Variants in BCKDHB observed in about 807,000 individuals in gnomAD.
BCKDHB encodes the protein branched chain keto acid dehydrogenase E1 subunit beta, also known as 2-oxoisovalerate dehydrogenase subunit beta, mitochondrial.
BCKDHB carries 41 observed loss-of-function variants against 48.5 expected under a neutral mutation model. That is an observed-to-expected ratio of 0.85 (90% CI 0.66 to 1.10). The LOEUF is 1.10. Ranked by LOEUF, BCKDHB falls within the 50% of genes least tolerant of loss-of-function variation. The pLI is 0.00. For synonymous variants in BCKDHB, 201 were observed against 174.8 expected (o/e 1.15, Z -1.18); for missense variants, 496 against 494.2 (o/e 1.00, Z -0.03).
chr6:80,365,506 C>T, the BCKDHB span, among the ~76,000 whole-genome samples: 6 of 152,092 alleles, frequency 3.9e-5, no homozygotes, highest in African/African-American at 9.7e-5. Context: ...CTTGCGTGTC[C>T]GTTTATAGGC....
At chr6:80,213,474 A>G (rs1462099386) in intron 8 of BCKDHB, among the ~76,000 whole-genome samples, 3 of 152,094 alleles carry the variant, frequency 2.0e-5, no homozygotes, top group Non-Finnish European at 4.4e-5. Flanking sequence ...TACTATTTGT[A>G]TAGCAGCTTT....
At chr6:80,213,244 G>T (rs1393703502) in intron 8 of BCKDHB, among the ~76,000 whole-genome samples, 9 of 152,078 alleles carry the variant, frequency 5.9e-5, no homozygotes, top group Admixed American at 5.9e-4. Context: ...TTATTTAAAA[G>T]TTTTAAGTTT....
the BCKDHB span, among the ~76,000 whole-genome samples, chr6:80,425,123 A>G: frequency 6.6e-6 from 1 of 152,218 alleles, no homozygotes; most frequent in Non-Finnish European, 1.5e-5. Flanking sequence ...GGAAGAAACC[A>G]AACAAAGATG....
the BCKDHB span, among the ~76,000 whole-genome samples, chr6:80,420,055 A>T: frequency 6.6e-6 from 1 of 151,882 alleles, no homozygotes; most frequent in African/African-American, 2.4e-5. Flanking sequence ...TATTTTCCTG[A>T]TGTTGTTTAA....
intron 8 of BCKDHB, among the ~76,000 whole-genome samples, chr6:80,252,982 T>C (rs1316325719): frequency 6.6e-6 from 1 of 152,208 alleles, no homozygotes; most frequent in Admixed American, 6.5e-5. Context: ...GTTATCATAA[T>C]CATCATGGCT....
the BCKDHB span, among the ~76,000 whole-genome samples, chr6:80,423,184 T>A: frequency 1.3e-5 from 2 of 150,830 alleles, no homozygotes; most frequent in African/African-American, 5.0e-5. Context: ...GTGTTCCCTA[T>A]GCTCTCTCTC....
intron 1 of BCKDHB, among the ~76,000 whole-genome samples, chr6:80,110,053 G>C (rs1006775419): frequency 6.6e-6 from 1 of 152,140 alleles, no homozygotes; most frequent in East Asian, 1.9e-4. Context: ...CTTTTATTTT[G>C]GTTGTTTTGA....
chr6:80,410,257 G>A, the BCKDHB span, among the ~76,000 whole-genome samples: 1 of 152,152 alleles, frequency 6.6e-6, no homozygotes, highest in African/African-American at 2.4e-5. Flanking sequence ...TTTTCTTTAA[G>A]AATCTTGAAT....
chr6:80,360,052 A>G, the BCKDHB span, among the ~76,000 whole-genome samples: 1 of 152,158 alleles, frequency 6.6e-6, no homozygotes, highest in Non-Finnish European at 1.5e-5. Flanking sequence ...CTGATTTTTA[A>G]CTGTTAAAAT....
chr6:80,244,575 C>T (rs542769696), intron 8 of BCKDHB, among the ~76,000 whole-genome samples: 1 of 152,292 alleles, frequency 6.6e-6, no homozygotes, highest in East Asian at 1.9e-4. Flanking sequence ...AAATGGATAA[C>T]AGGCAGTTTG....
the BCKDHB span, among the ~76,000 whole-genome samples, chr6:80,459,103 A>G: frequency 6.6e-6 from 1 of 152,148 alleles, no homozygotes; most frequent in Non-Finnish European, 1.5e-5. Flanking sequence ...TAGAACTACC[A>G]TAGGATCCAG....
At chr6:80,157,138 A>G (rs1483521280) in intron 3 of BCKDHB, among the ~76,000 whole-genome samples, 2 of 152,078 alleles carry the variant, frequency 1.3e-5, no homozygotes, top group African/African-American at 2.4e-5. Context: ...CTAACCTTCA[A>G]CTAGATGTTT....
chr6:80,133,149 T>C (rs1404547852), intron 3 of BCKDHB, among the ~76,000 whole-genome samples: 1 of 152,210 alleles, frequency 6.6e-6, no homozygotes, highest in Non-Finnish European at 1.5e-5. Context: ...GCCTACCCTT[T>C]GAAATGAGAA....
chr6:80,332,706 T>TG (rs540386210), intron 9 of BCKDHB, among the ~76,000 whole-genome samples: 1 of 139,444 alleles, frequency 7.2e-6, no homozygotes, highest in East Asian at 2.1e-4. Flanking sequence ...ACCCTTATAG[T>TG]AAAAAAAAAA....
At chr6:80,428,029 C>A in the BCKDHB span, among the ~76,000 whole-genome samples, 1 of 152,048 alleles carries the variant, frequency 6.6e-6, no homozygotes, top group Admixed American at 6.6e-5. Flanking sequence ...CCTAACCCCC[C>A]ACCCCCTCAC....
At chr6:80,305,603 A>G (rs1441403627) in intron 9 of BCKDHB, among the ~76,000 whole-genome samples, 1 of 152,158 alleles carries the variant, frequency 6.6e-6, no homozygotes, top group Non-Finnish European at 1.5e-5. Context: ...GTAGATGAGT[A>G]AGAGCCCAAA....
At chr6:80,176,333 C>T (rs559097188) in intron 6 of BCKDHB, among the ~76,000 whole-genome samples, 22 of 152,204 alleles carry the variant, frequency 1.4e-4, no homozygotes, top group East Asian at 5.8e-4. Context: ...AAAATTAGAA[C>T]GCTGCAGAGT....
chr6:80,255,354 A>G (rs1196142584), intron 8 of BCKDHB, among the ~76,000 whole-genome samples: 1 of 152,224 alleles, frequency 6.6e-6, no homozygotes. Context: ...TGAGTCATCA[A>G]TGAAAGACTT....
the BCKDHB span, among the ~76,000 whole-genome samples, chr6:80,440,552 A>G: frequency 5.9e-5 from 9 of 151,970 alleles, no homozygotes; most frequent in African/African-American, 2.2e-4. Flanking sequence ...CTCTGCTCAT[A>G]AACACCCCAC....
Sources: gnomAD v4.1 joint callset for allele counts (sites outside exome capture counted in the v4.1 genomes callset) on GRCh38, gnomAD v4.1.1 for gene constraint, MANE v1.5 for transcripts, NCBI Gene and HGNC (gene_info 2026-07-23, HGNC 2026-07-21) for gene names.